The following TRAPPC12 variants were observed in gnomAD, a reference collection of about 807,000 sequenced individuals.
The protein encoded by TRAPPC12 is TPR repeat protein 15.
In TRAPPC12, 61 loss-of-function variants were observed where a neutral mutation model predicts 69.2. The ratio of observed to expected loss-of-function variants is 0.88; its 90% CI spans 0.72 to 1.09. The LOEUF (loss-of-function observed/expected upper bound fraction) is 1.09, where lower values mean the gene tolerates loss of function less well. Among genes scored for constraint, TRAPPC12 ranks in the 50% least tolerant of loss-of-function variants. TRAPPC12 has a pLI of 0.00. For missense variants in TRAPPC12, 1,101 were observed against 1,016.4 expected (o/e 1.08, Z -1.13); for synonymous variants, 469 against 438.9 (o/e 1.07, Z -0.86).
intron 6 of TRAPPC12, among the ~76,000 whole-genome samples, chr2:3,446,436 A>G (rs1230450066): frequency 6.6e-6 from 1 of 152,218 alleles, no homozygotes; most frequent in African/African-American, 2.4e-5. Flanking sequence ...AGAGAGCTGC[A>G]CTGTGGCACA....
chr2:3,417,631 G>T (rs907584831), intron 3 of TRAPPC12, among the ~76,000 whole-genome samples: 2 of 152,148 alleles, frequency 1.3e-5, no homozygotes, highest in Admixed American at 1.3e-4. Flanking sequence ...ACAGCAGGCA[G>T]TCAGTAAATG....
intron 4 of TRAPPC12, among the ~76,000 whole-genome samples, chr2:3,422,210 C>T (rs563260808): frequency 6.6e-6 from 1 of 152,342 alleles, no homozygotes; most frequent in African/African-American, 2.4e-5. Context: ...CTCACAAGTG[C>T]CCACACTCAG....
Position 3,388,185 on chromosome 2 carries a change from G to C in TRAPPC12, c.562G>C (p.Ala188Pro). 1 of 1,608,574 alleles carries C rather than the reference G, an allele frequency of 6.2e-7. No homozygotes were observed. Among genetic ancestry groups the C allele is most frequent in the Non-Finnish European group, 8.5e-7 (1 of 1,177,686 alleles). Residue 188 changes from alanine (A) to proline (P), a missense_variant, in exon 2 of 12, where the codon GCC becomes CCC. Transcript: ENST00000324266. ...QMVKSPSFGG[A>P]SEASARTPPQ... The stretch of plus-strand genomic sequence containing the variant: ...GGTGAAGTCGCCCAGCTTCGGTGGC[G>C]CCAGCGAGGCCTCGGCCAGGACACC...
At position 3,479,212 on chromosome 2, in the gene TRAPPC12, T is replaced by G. The variant is rs748539784; in HGVS notation, c.1966-7T>G. On this transcript the variant is annotated splice_polypyrimidine_tract_variant and splice_region_variant and intron_variant, in intron 11 of 11. Transcript: ENST00000324266. ...TGGGCCAACCCTGGGCGTGTGCTCCTCCCTAGGCCAACAACAACGCTGCCG... is the reference window on the plus strand; with the variant it reads ...TGGGCCAACCCTGGGCGTGTGCTCCGCCCTAGGCCAACAACAACGCTGCCG... 28 of 1,612,014 alleles carry G rather than the reference T, an allele frequency of 1.7e-5. No individual in the cohort carries two copies. In the Admixed American group the frequency reaches 4.7e-4, roughly 27 times the overall value.
At chr2:3,380,190 C>G (rs745855296) in intron 1 of TRAPPC12, among the ~76,000 whole-genome samples, 2 of 152,132 alleles carry the variant, frequency 1.3e-5, no homozygotes, top group African/African-American at 4.8e-5. Context: ...CGCTGGCGCG[C>G]GCCCAGGCGT....
At position 3,421,918 on chromosome 2, in the gene TRAPPC12, G is replaced by GA; in HGVS notation, c.1203dup (p.Arg402ThrfsTer44). 5.0e-6 allele frequency: 8 copies of GA among 1,613,952 alleles called. No homozygotes were observed. The highest frequency in any genetic ancestry group is 6.8e-6 in the Non-Finnish European group (8 of 1,180,022). Reference sequence around the variant, plus strand: ...TGGAGGGCAGCAGTGGACCTGTGCGGACGTCTCCTCACAGCCCACGGCCAG... The same window carrying GA: ...TGGAGGGCAGCAGTGGACCTGTGCGGAACGTCTCCTCACAGCCCACGGCCAG... On this transcript the variant is annotated frameshift_variant, in exon 4 of 12. Coordinates refer to ENST00000324266, the MANE Select transcript of TRAPPC12 (RefSeq NM_016030.6). LOFTEE classifies it high-confidence loss of function.
chr2:3,465,779 T>C (rs957884337), intron 9 of TRAPPC12, 84 bp downstream of exon 9: 4 of 940,020 alleles, frequency 4.3e-6, no homozygotes, highest in Admixed American at 3.6e-5. Context: ...TTTTAATCAT[T>C]TTAATATAAG....
intron 3 of TRAPPC12, among the ~76,000 whole-genome samples, chr2:3,404,193 G>A (rs1157507278): frequency 6.6e-6 from 1 of 152,106 alleles, no homozygotes; most frequent in African/African-American, 2.4e-5. Context: ...ATGGGTGGGG[G>A]CTGTACTCTG....
intron 2 of TRAPPC12, among the ~76,000 whole-genome samples, chr2:3,401,337 C>G (rs1385943450): frequency 6.6e-6 from 1 of 152,162 alleles, no homozygotes; most frequent in Non-Finnish European, 1.5e-5. Flanking sequence ...TCAGGCCTGC[C>G]TGCACCAGCG....
At chr2:3,472,151 G>A (rs1345944568) in intron 9 of TRAPPC12, among the ~76,000 whole-genome samples, 1 of 152,176 alleles carries the variant, frequency 6.6e-6, no homozygotes, top group Non-Finnish European at 1.5e-5. Context: ...CAAGAACCAA[G>A]GTCACCTCTG....
At chr2:3,397,994 G>T (rs1661223848) in intron 2 of TRAPPC12, among the ~76,000 whole-genome samples, 1 of 152,194 alleles carries the variant, frequency 6.6e-6, no homozygotes, top group Non-Finnish European at 1.5e-5. Context: ...TGTGTCTGAA[G>T]ACAGTTGTTA....
chr2:3,465,577 T>C lies in TRAPPC12; in HGVS notation c.1678-20T>C, dbSNP rs1170248346. ...GTGCTGTTCTCAGCTCTAAAGTACG[T>C]TGGGTTTTTCTTCCCACAGGATTAT... On this transcript the variant is annotated intron_variant, in intron 8 of 11. Transcript: ENST00000324266. 2.6e-6 allele frequency: 4 copies of C among 1,567,092 alleles called. No individual in the cohort carries two copies. Among genetic ancestry groups the C allele is most frequent in the Non-Finnish European group, 3.5e-6 (4 of 1,137,126 alleles).
Position 3,421,894 on chromosome 2 carries a change from G to A in TRAPPC12, c.1178G>A (p.Trp393Ter), listed in dbSNP as rs371079283. ...CGTGTCTTGCAGAGCTGCAGAAACT[G>A]GAGGGCAGCAGTGGACCTGTGCGGA... ...GLKQLISCRN[W>*]RAAVDLCGRL... The change falls in exon 4 of 12, where the codon TGG (tryptophan) becomes TAG (stop). Residue 393 changes from tryptophan (W) to a stop codon, truncating the protein, a stop_gained. Transcript: ENST00000324266. LOFTEE classifies it high-confidence loss of function. 13 of 1,613,704 alleles carry A rather than the reference G, an allele frequency of 8.1e-6. No homozygotes were observed. Among genetic ancestry groups the A allele is most frequent in the Non-Finnish European group, 1.0e-5 (12 of 1,179,858 alleles).
chr2:3,465,859 C>G, intron 9 of TRAPPC12, 164 bp downstream of exon 9: 1 of 614,758 alleles, frequency 1.6e-6, no homozygotes. Context: ...TCCAGGAGTT[C>G]TGGTTTGACT....
At chr2:3,406,044 C>G (rs1177643482) in intron 3 of TRAPPC12, among the ~76,000 whole-genome samples, 1 of 152,172 alleles carries the variant, frequency 6.6e-6, no homozygotes, top group Non-Finnish European at 1.5e-5. Flanking sequence ...TGCCCCAGAG[C>G]AAAGTTCCCA....
At chr2:3,390,288 GGCAGCCCAGA>G (rs1425173940) in intron 2 of TRAPPC12, among the ~76,000 whole-genome samples, 1 of 152,160 alleles carries the variant, frequency 6.6e-6, no homozygotes, top group Non-Finnish European at 1.5e-5. Context: ...GCCTCTCTAA[GGCAGCCCAGA>G]TGGGACCAAA....
Position 3,478,948 on chromosome 2 carries a change from C to T in TRAPPC12, c.1965+15C>T, listed in dbSNP as rs748508425. 30 of 1,610,804 alleles carry T rather than the reference C, an allele frequency of 1.9e-5. No homozygotes were observed. In the Admixed American group the frequency reaches 4.8e-4, roughly 26 times the overall value. ...GAAACGCAGTGGTAAGATCCCCAAG[C>T]TGCAGGATCCTCCATCCTCTGCCTT... On this transcript the variant is annotated intron_variant, in intron 11 of 11. Transcript: ENST00000324266.
chr2:3,451,369 G>A (rs959201787), intron 6 of TRAPPC12, among the ~76,000 whole-genome samples: 2 of 152,128 alleles, frequency 1.3e-5, no homozygotes, highest in African/African-American at 4.8e-5. Context: ...GTCTGGAATC[G>A]TCTCTTCAGC....
At position 3,421,781 on chromosome 2, in the gene TRAPPC12, A is replaced by G. The variant is rs1396239437; in HGVS notation, c.1165-100A>G. 5.4e-6 allele frequency: 6 copies of G among 1,106,730 alleles called. No individual in the cohort carries two copies. In the Admixed American group the frequency reaches 9.5e-5, roughly 18 times the overall value. 68.6% of individuals were successfully genotyped at this position (1,106,730 alleles called of 1,614,324 possible). On this transcript the variant is annotated intron_variant, in intron 3 of 11. Transcript: ENST00000324266. ...CTAACGGCTGGCTGGCGCTGCTTCC[A>G]GCAAGGTGAGCAGCTGTGGCCAGTG...
Sources: allele counts gnomAD v4.1 joint callset (sites outside exome capture counted in the v4.1 genomes callset), GRCh38; gene constraint gnomAD v4.1.1; transcripts MANE v1.5; gene names NCBI Gene and HGNC (gene_info 2026-07-23, HGNC 2026-07-21).